Variants in ZFPM1 observed in about 807,000 individuals in gnomAD.
ZFPM1 encodes zinc finger protein ZFPM1.
ZFPM1 carries 28 observed loss-of-function variants against 46.3 expected under a neutral mutation model. The ratio of observed to expected loss-of-function variants is 0.60; its 90% CI spans 0.45 to 0.83. ZFPM1 has a LOEUF of 0.83. ZFPM1 is among the 40% of genes least tolerant of loss of function. The pLI is 0.00. For missense variants in ZFPM1, 1,878 were observed against 1,432.4 expected, an observed-to-expected ratio of 1.31 and a Z score of -5.02; for synonymous variants, 957 against 675.9, an observed-to-expected ratio of 1.42 and a Z score of -6.45.
At position 88,527,379 on chromosome 16, in the gene ZFPM1, G is replaced by A. The variant is rs113461362; in HGVS notation, c.505+463G>A. 8.7e-4 allele frequency among the ~76,000 whole-genome samples: 132 copies of A among 152,308 alleles called. 1 individual carries two copies. Among genetic ancestry groups the A allele is most frequent in the African/African-American group, 3.0e-3 (124 of 41,574 alleles). On this transcript the variant is annotated intron_variant, in intron 5 of 9. Transcript: ENST00000319555. ...AGTCGAGGGGCCTTGCCGTGCTGCT[G>A]CTACTGAGGGTGGCACGTCTGGGTG...
chr16:88,469,848 AC>A lies in ZFPM1; in HGVS notation c.41-16086del, dbSNP rs528310258. Among the ~76,000 whole-genome samples, 132 of 151,758 alleles carry A rather than the reference AC, an allele frequency of 8.7e-4. No individual in the cohort carries two copies. The highest frequency in any genetic ancestry group is 1.8e-3 in the Non-Finnish European group (122 of 67,900). ...CAGACATCACCTTGGCCAGGGCCCC[AC>A]CCCCTAACGTGGGGTGCAGTGCCTC... is the stretch of plus-strand genomic sequence containing the variant. On this transcript the variant is annotated intron_variant, in intron 1 of 9. Transcript: ENST00000319555. This position sits in a 1 kb window ranked among gnomAD's most constrained non-coding sequence, Gnocchi z 4.3.
At chr16:88,526,239 A>G (rs932482141) in intron 4 of ZFPM1, among the ~76,000 whole-genome samples, 1 of 152,074 alleles carries the variant, frequency 6.6e-6, no homozygotes, top group South Asian at 2.1e-4. Flanking sequence ...TGTGGCAGGG[A>G]GGGGAGCCAT....
chr16:88,486,394 C>T (rs936913953), intron 2 of ZFPM1, among the ~76,000 whole-genome samples: 1 of 152,258 alleles, frequency 6.6e-6, no homozygotes, highest in African/African-American at 2.4e-5. Flanking sequence ...ACCATGAGGC[C>T]CCCTCCCTGG....
chr16:88,534,513 C>T lies in ZFPM1; in HGVS notation c.2555C>T (p.Pro852Leu), dbSNP rs539036581. The T allele has an allele frequency of 7.3e-5, 105 of 1,444,300 alleles. 1 individual carries two copies. In the South Asian group the frequency reaches 1.1e-3, roughly 15 times the overall value. The allele number at this position is 1,444,300 out of a possible 1,614,324, so 89.5% of individuals were successfully genotyped here. A position where few individuals can be genotyped will look rare whatever the true frequency, so the allele number is the denominator to read the frequency against. The change falls in exon 10 of 10, where the codon CCC becomes CTC. Residue 852 changes from proline (P) to leucine (L), a missense_variant. Pro to Leu is a moderately conservative substitution (Grantham distance 98, BLOSUM62 -3). Transcript: ENST00000319555. ...CCACCGCCCGGCGCGCTCGGCCTGCCCGCCGCCGCCTGCCCCTACTGCCCC... is the reference window on the plus strand; with the variant it reads ...CCACCGCCCGGCGCGCTCGGCCTGCTCGCCGCCGCCTGCCCCTACTGCCCC... ...AAPPPGALGL[P>L]AAACPYCPPN... is the part of the protein sequence containing the mutation.
intron 1 of ZFPM1, among the ~76,000 whole-genome samples, chr16:88,479,633 A>C (rs1399580200): frequency 6.6e-6 from 1 of 151,904 alleles, no homozygotes; most frequent in African/African-American, 2.4e-5. Flanking sequence ...GTCTGTTATC[A>C]GGGCCTTATC....
At chr16:88,520,701 A>G (rs1388756748) in intron 4 of ZFPM1, among the ~76,000 whole-genome samples, 1 of 77,726 alleles carries the variant, frequency 1.3e-5, no homozygotes, top group Non-Finnish European at 2.4e-5. Context: ...TATTAGGTGG[A>G]TGGGTGGGTG....
intron 3 of ZFPM1, among the ~76,000 whole-genome samples, chr16:88,510,497 G>A (rs932750778): frequency 3.9e-5 from 6 of 152,248 alleles, no homozygotes; most frequent in Admixed American, 2.6e-4. Context: ...TTGGTTCCTC[G>A]CAGATGCCTG....
Position 88,453,546 on chromosome 16 carries a change from G to T in ZFPM1, c.-93G>T. On this transcript the variant is annotated 5_prime_UTR_variant, in exon 1 of 10. The change abolishes an upstream ATG in the 5' untranslated region. Coordinates refer to ENST00000319555, the MANE Select transcript of ZFPM1 (RefSeq NM_153813.3). ...CGCGGAGACCGGGGGCCGGGGGCAT[G>T]AGCGGCCCCGCGGCCCCGCCGCGCC... 1 of 628,796 alleles carries T rather than the reference G, an allele frequency of 1.6e-6. No individual in the cohort carries two copies. Among genetic ancestry groups the T allele is most frequent in the South Asian group, 6.9e-5 (1 of 14,562 alleles). 39.0% of individuals were successfully genotyped at this position (628,796 alleles called of 1,614,324 possible).
chr16:88,481,025 C>T (rs551847914), intron 1 of ZFPM1, among the ~76,000 whole-genome samples: 14 of 152,374 alleles, frequency 9.2e-5, no homozygotes, highest in African/African-American at 2.6e-4. Context: ...GATGAAATTC[C>T]GCTATCAGCG....
At chr16:88,467,987 A>T (rs1908216490) in intron 1 of ZFPM1, among the ~76,000 whole-genome samples, 1 of 148,646 alleles carries the variant, frequency 6.7e-6, no homozygotes. Flanking sequence ...CACACTCTCA[A>T]CCCGCACACC....
At chr16:88,461,242 G>GGA (rs1216399980) in intron 1 of ZFPM1, among the ~76,000 whole-genome samples, 3 of 127,452 alleles carry the variant, frequency 2.4e-5, no homozygotes, top group Admixed American at 2.3e-4. Flanking sequence ...CCCAGGGGTG[G>GGA]GGCGGGAGGC....
rs371431060 is a variant in ZFPM1, at chr16:88,483,254, A to G, written c.41-2685A>G. Among the ~76,000 whole-genome samples, 1,188 of 149,372 alleles carry G rather than the reference A, an allele frequency of 8.0e-3. 18 individuals carry two copies. The highest frequency in any genetic ancestry group is 0.027 in the African/African-American group (1,091 of 39,896). On this transcript the variant is annotated intron_variant, in intron 1 of 9. Coordinates refer to ENST00000319555, the MANE Select transcript of ZFPM1 (RefSeq NM_153813.3). ...CTGCCCCTCCTGTCCAGGACCCCCCATGGCTCCCCGGTGGCACCTGCCCCT... is the reference window on the plus strand; with the variant it reads ...CTGCCCCTCCTGTCCAGGACCCCCCGTGGCTCCCCGGTGGCACCTGCCCCT...
intron 4 of ZFPM1, among the ~76,000 whole-genome samples, chr16:88,520,022 T>C (rs759865769): frequency 1.1e-4 from 16 of 145,422 alleles, no homozygotes; most frequent in Non-Finnish European, 2.4e-4. Context: ...GATAAGTGGA[T>C]GGATGGGAGG....
intron 4 of ZFPM1, among the ~76,000 whole-genome samples, chr16:88,523,675 C>A (rs1467368395): frequency 6.6e-6 from 1 of 152,238 alleles, no homozygotes; most frequent in East Asian, 1.9e-4. Flanking sequence ...TCACCCCTTC[C>A]CAGCCTGTGG....
Position 88,493,224 on chromosome 16 carries a change from G to T in ZFPM1, c.268+4071G>T, listed in dbSNP as rs1909707132. On this transcript the variant is annotated intron_variant, in intron 3 of 9. Transcript: ENST00000319555. ...GCGGGGAGCTGTCCCGGGGTGGGGA[G>T]AGCTGTCCCACGGTGAGGAGAGCTG... 4.7e-5 allele frequency among the ~76,000 whole-genome samples: 7 copies of T among 148,086 alleles called. No individual in the cohort carries two copies. The South Asian group carries it at 1.5e-3, about 32-fold the overall frequency.
intron 1 of ZFPM1, among the ~76,000 whole-genome samples, chr16:88,461,859 C>T (rs896402249): frequency 1.3e-5 from 2 of 152,126 alleles, no homozygotes; most frequent in African/African-American, 4.8e-5. Flanking sequence ...CTGGCCAACC[C>T]ATTTTACAGG....
intron 3 of ZFPM1, among the ~76,000 whole-genome samples, chr16:88,496,348 G>A (rs1464007182): frequency 6.6e-6 from 1 of 152,094 alleles, no homozygotes; most frequent in Admixed American, 6.5e-5. Context: ...ATAGGAGAGG[G>A]AGGGCAGAGT....
chr16:88,517,315 T>C lies in ZFPM1; in HGVS notation c.402+2795T>C, dbSNP rs565299579. Among the ~76,000 whole-genome samples, 3 of 135,908 alleles carry C rather than the reference T, an allele frequency of 2.2e-5. No homozygotes were observed. The South Asian group carries it at 7.1e-4, about 32-fold the overall frequency. 89.2% of individuals were successfully genotyped at this position (135,908 alleles called of 152,430 possible). A position where few individuals can be genotyped will look rare whatever the true frequency, so the allele number is the denominator to read the frequency against. ...ATGAGTGGGTGGATGGACAGATGGA[T>C]GAGTGGGTCGGTGGGTGGGTAGGTG... On this transcript the variant is annotated intron_variant, in intron 4 of 9. Transcript: ENST00000319555.
intron 5 of ZFPM1, 140 bp from the exon 6 acceptor site, chr16:88,527,892 C>A: frequency 1.3e-6 from 1 of 796,218 alleles, no homozygotes; most frequent in Non-Finnish European, 1.9e-6. Flanking sequence ...GCCCCCCAGG[C>A]AGGATGGCCC....
Sources: allele counts gnomAD v4.1 joint callset (sites outside exome capture counted in the v4.1 genomes callset), GRCh38; gene constraint gnomAD v4.1.1; non-coding constraint Gnocchi (gnomAD v3.1); transcripts MANE v1.5; gene names NCBI Gene and HGNC (gene_info 2026-07-23, HGNC 2026-07-21).